GPHN: variants seen among roughly 807,000 people sequenced by gnomAD.
The protein encoded by GPHN is gephyrin.
GPHN carries 17 observed loss-of-function variants against 95.5 expected under a neutral mutation model. The observed-to-expected ratio is 0.18, with a 90% CI of 0.12 to 0.27. The LOEUF (loss-of-function observed/expected upper bound fraction) is 0.27, where lower values mean the gene tolerates loss of function less well. GPHN is among the 10% of genes least tolerant of loss of function. GPHN has a pLI of 1.00. For synonymous variants in GPHN, 320 were observed against 322.5 expected (o/e 0.99, Z 0.08); for missense variants, 660 against 978.1 (o/e 0.67, Z 4.34).
intron 16 of GPHN, among the ~76,000 whole-genome samples, chr14:67,120,454 T>G (rs1215068067): frequency 6.6e-6 from 1 of 152,198 alleles, no homozygotes; most frequent in Non-Finnish European, 1.5e-5. Context: ...TAGCTATTTT[T>G]TCGTTATGTC....
the GPHN span, among the ~76,000 whole-genome samples, chr14:67,356,446 A>C: frequency 1.4e-5 from 2 of 141,772 alleles, no homozygotes; most frequent in Admixed American, 7.1e-5. Flanking sequence ...AAAAAAAAAA[A>C]ACAAAAACAA....
chr14:67,608,524 A>T, the GPHN span, among the ~76,000 whole-genome samples: 1 of 152,176 alleles, frequency 6.6e-6, no homozygotes, highest in Non-Finnish European at 1.5e-5. Context: ...AACTGTATAT[A>T]CCACCTTAAA....
intron 1 of GPHN, among the ~76,000 whole-genome samples, chr14:66,566,600 G>A (rs577725796): frequency 6.6e-6 from 1 of 152,256 alleles, no homozygotes; most frequent in Admixed American, 6.5e-5. Context: ...GGCTCCTTGA[G>A]GGACAGAATT....
At chr14:67,023,098 G>A (rs2073743265) in intron 9 of GPHN, among the ~76,000 whole-genome samples, 1 of 151,910 alleles carries the variant, frequency 6.6e-6, no homozygotes, top group Non-Finnish European at 1.5e-5. Context: ...CAGGTTATCA[G>A]AATCAAATGT....
At chr14:66,515,750 A>G (rs547815250) in intron 1 of GPHN, among the ~76,000 whole-genome samples, 63 of 152,274 alleles carry the variant, frequency 4.1e-4, no homozygotes, top group African/African-American at 1.4e-3. Context: ...GAAATAATGT[A>G]TTCAGTATTC....
intron 12 of GPHN, among the ~76,000 whole-genome samples, chr14:67,091,118 G>T (rs80280591): frequency 2.0e-3 from 301 of 151,876 alleles, no homozygotes; most frequent in Non-Finnish European, 3.2e-3. Context: ...AAATAAAATG[G>T]TAGAGAGATT....
chr14:67,724,486 G>A, the GPHN span: 1 of 1,612,040 alleles, frequency 6.2e-7, no homozygotes, highest in South Asian at 1.1e-5. Flanking sequence ...GTTCTTTGCT[G>A]GTGGAGTGTG....
At chr14:67,308,807 T>A in the GPHN span, among the ~76,000 whole-genome samples, 1 of 152,192 alleles carries the variant, frequency 6.6e-6, no homozygotes, top group Non-Finnish European at 1.5e-5. Flanking sequence ...TATGTACTAC[T>A]CTACTTACTA....
chr14:67,513,344 G>A, the GPHN span, among the ~76,000 whole-genome samples: 149 of 152,340 alleles, frequency 9.8e-4, no homozygotes, highest in African/African-American at 3.4e-3. Flanking sequence ...GGGCCTAGCT[G>A]TGCTTCTCTG....
At chr14:67,157,060 C>G (rs1403641748) in intron 18 of GPHN, among the ~76,000 whole-genome samples, 1 of 151,052 alleles carries the variant, frequency 6.6e-6, no homozygotes, top group Non-Finnish European at 1.5e-5. Context: ...AAAAAAACAG[C>G]TAATCATATG....
chr14:66,614,214 G>T (rs892420398), intron 1 of GPHN, among the ~76,000 whole-genome samples: 2 of 151,974 alleles, frequency 1.3e-5, no homozygotes. Context: ...ATTAATTTGG[G>T]TCTCTCAACA....
At chr14:67,397,636 G>T in the GPHN span, 2 of 1,590,812 alleles carry the variant, frequency 1.3e-6, no homozygotes, top group Non-Finnish European at 1.7e-6. Context: ...ACAGAGAGGA[G>T]CTGGACAGCA....
chr14:67,324,157 C>T, the GPHN span, among the ~76,000 whole-genome samples: 1 of 152,142 alleles, frequency 6.6e-6, no homozygotes, highest in African/African-American at 2.4e-5. Context: ...TTTGAGTGCT[C>T]TTGCTTTTCT....
At chr14:67,718,719 T>C in the GPHN span, among the ~76,000 whole-genome samples, 20,198 of 152,212 alleles carry the variant, frequency 0.13, 1,377 homozygotes, top group East Asian at 0.21. Flanking sequence ...CTGTCCCAGA[T>C]TGAAAATCCC....
chr14:66,765,650 C>T (rs534574204), intron 2 of GPHN, among the ~76,000 whole-genome samples: 19 of 152,052 alleles, frequency 1.2e-4, no homozygotes, highest in Non-Finnish European at 2.1e-4. Flanking sequence ...CGAAAAACTA[C>T]CTATTGGGTA....
intron 9 of GPHN, among the ~76,000 whole-genome samples, chr14:67,011,691 T>G (rs8021795): frequency 6.6e-6 from 1 of 151,564 alleles, no homozygotes; most frequent in African/African-American, 2.4e-5. Flanking sequence ...TTTTTACTCC[T>G]CTTTCTCTCT....
chr14:66,956,104 T>C (rs1596500203), intron 8 of GPHN, among the ~76,000 whole-genome samples: 1 of 152,168 alleles, frequency 6.6e-6, no homozygotes, highest in East Asian at 1.9e-4. Flanking sequence ...CTATAATTCT[T>C]ATTATTTTCT....
At chr14:66,914,685 A>G (rs1319054480) in intron 5 of GPHN, among the ~76,000 whole-genome samples, 3 of 152,098 alleles carry the variant, frequency 2.0e-5, no homozygotes, top group Non-Finnish European at 4.4e-5. Flanking sequence ...TTCTAGATTT[A>G]TTCAATAAAT....
At chr14:67,559,380 G>C in the GPHN span, among the ~76,000 whole-genome samples, 1 of 152,116 alleles carries the variant, frequency 6.6e-6, no homozygotes, top group Admixed American at 6.5e-5. Context: ...GGGATATGCC[G>C]CGTTTATTCA....
Sources: gnomAD v4.1 joint callset for allele counts (sites outside exome capture counted in the v4.1 genomes callset) on GRCh38, gnomAD v4.1.1 for gene constraint, MANE v1.5 for transcripts, NCBI Gene and HGNC (gene_info 2026-07-23, HGNC 2026-07-21) for gene names.